Variants in VTI1A observed in about 807,000 individuals in gnomAD.
The protein encoded by VTI1A is vesicle transport through interaction with t-SNAREs homolog 1A.
A neutral mutation model predicts 34.9 loss-of-function variants in VTI1A; 22 were observed. The ratio of observed to expected loss-of-function variants is 0.63; its 90% CI spans 0.45 to 0.90. The LOEUF (loss-of-function observed/expected upper bound fraction) is 0.90, where lower values mean the gene tolerates loss of function less well. Ranked by LOEUF, VTI1A falls within the 40% of genes least tolerant of loss-of-function variation. VTI1A has a pLI of 0.00. For missense variants in VTI1A, 268 were observed against 275.6 expected (o/e 0.97, Z 0.20); for synonymous variants, 87 against 97.3 (o/e 0.89, Z 0.62).
intron 4 of VTI1A, among the ~76,000 whole-genome samples, chr10:112,537,861 A>G (rs1385854877): frequency 6.6e-6 from 1 of 152,224 alleles, no homozygotes; most frequent in African/African-American, 2.4e-5. Context: ...GATCTTTGAA[A>G]TGATTGCATT....
intron 5 of VTI1A, among the ~76,000 whole-genome samples, chr10:112,559,627 TC>T (rs1645901889): frequency 6.6e-6 from 1 of 152,154 alleles, no homozygotes. Context: ...CAGCCACGTT[TC>T]CACAGTGGAT....
At chr10:112,519,616 A>G (rs971649172) in intron 3 of VTI1A, among the ~76,000 whole-genome samples, 2 of 152,108 alleles carry the variant, frequency 1.3e-5, no homozygotes, top group African/African-American at 4.8e-5. Flanking sequence ...GAATGAAGGT[A>G]GGGGGACTCC....
intron 7 of VTI1A, among the ~76,000 whole-genome samples, chr10:112,782,870 C>T (rs550447912): frequency 7.7e-4 from 118 of 152,278 alleles, no homozygotes; most frequent in African/African-American, 2.7e-3. Flanking sequence ...GTCCCTTCCC[C>T]TTCTAATTTC....
At chr10:112,472,548 T>C (rs1848128521) in intron 3 of VTI1A, among the ~76,000 whole-genome samples, 1 of 151,956 alleles carries the variant, frequency 6.6e-6, no homozygotes, top group Admixed American at 6.5e-5. Flanking sequence ...TTTTTTTTTT[T>C]TAACTCGAGA....
rs144730948 is a variant in VTI1A at position 112,803,314 on chromosome 10, C to T, written c.561-11976C>T. On this transcript the variant is annotated intron_variant, in intron 7 of 7. Coordinates refer to ENST00000393077, the MANE Select transcript of VTI1A (RefSeq NM_145206.4). ...AACTCCTGATCTCAAGTGATCCACCCGCCTTGGCCTCCCAAAGTGCTGGGA... is the reference window on the plus strand; with the variant it reads ...AACTCCTGATCTCAAGTGATCCACCTGCCTTGGCCTCCCAAAGTGCTGGGA... Among the ~76,000 whole-genome samples the T allele has an allele frequency of 4.8e-4, 73 of 152,254 alleles. 1 individual carries two copies. In the East Asian group the frequency reaches 0.013, roughly 27 times the overall value.
At chr10:112,752,639 T>C (rs1282171953) in intron 7 of VTI1A, 3 of 929,352 alleles carry the variant, frequency 3.2e-6, no homozygotes, top group East Asian at 2.3e-4. Flanking sequence ...GCCCATTTGC[T>C]TTAGCTAGGT....
At chr10:112,717,548 A>T (rs1485860608) in intron 7 of VTI1A, among the ~76,000 whole-genome samples, 1 of 152,134 alleles carries the variant, frequency 6.6e-6, no homozygotes, top group Non-Finnish European at 1.5e-5. Context: ...GTCATTAGTC[A>T]AAAGGCCCTT....
intron 7 of VTI1A, among the ~76,000 whole-genome samples, chr10:112,753,063 A>G (rs1051254051): frequency 8.2e-6 from 1 of 122,542 alleles, no homozygotes; most frequent in African/African-American, 4.7e-5. Context: ...TTAATTATAC[A>G]TTGGAAAAAA....
chr10:112,790,574 G>A (rs1852428108), intron 7 of VTI1A, among the ~76,000 whole-genome samples: 1 of 152,068 alleles, frequency 6.6e-6, no homozygotes, highest in Non-Finnish European at 1.5e-5. Flanking sequence ...GCTAGGCCTG[G>A]GTTTTGCCCT....
intron 5 of VTI1A, among the ~76,000 whole-genome samples, chr10:112,630,000 T>G (rs1846069013): frequency 6.6e-6 from 1 of 152,188 alleles, no homozygotes; most frequent in Non-Finnish European, 1.5e-5. Flanking sequence ...AGAGTAGAGT[T>G]GAGAGGGACT....
chr10:112,585,354 A>C (rs1844103532), intron 5 of VTI1A, among the ~76,000 whole-genome samples: 1 of 152,174 alleles, frequency 6.6e-6, no homozygotes, highest in South Asian at 2.1e-4. Context: ...ATGATTTTGT[A>C]CTTTTTGCTG....
At chr10:112,650,098 C>G (rs1182345656) in intron 5 of VTI1A, among the ~76,000 whole-genome samples, 2 of 152,172 alleles carry the variant, frequency 1.3e-5, no homozygotes, top group Non-Finnish European at 2.9e-5. Context: ...AACTGTTTTA[C>G]TTTATAAGAT....
chr10:112,721,161 A>C (rs1190188379), intron 7 of VTI1A, among the ~76,000 whole-genome samples: 1 of 152,190 alleles, frequency 6.6e-6, no homozygotes, highest in African/African-American at 2.4e-5. Flanking sequence ...TCTGATTCCA[A>C]ATCTGCTGTG....
At chr10:112,635,415 G>A (rs868012938) in intron 5 of VTI1A, among the ~76,000 whole-genome samples, 5 of 152,142 alleles carry the variant, frequency 3.3e-5, no homozygotes, top group Non-Finnish European at 7.3e-5. Flanking sequence ...CTCAGAGGTG[G>A]CCAAGTCTAG....
chr10:112,804,685 ATT>A (rs1254014373), intron 7 of VTI1A, among the ~76,000 whole-genome samples: 1 of 151,774 alleles, frequency 6.6e-6, no homozygotes, highest in East Asian at 1.9e-4. Flanking sequence ...TCATTCATTG[ATT>A]GCTCATTGTG....
chr10:112,504,913 C>T (rs568404165), intron 3 of VTI1A, among the ~76,000 whole-genome samples: 14 of 149,412 alleles, frequency 9.4e-5, no homozygotes, highest in African/African-American at 3.2e-4. Flanking sequence ...TTTCAGAAAC[C>T]GTTCTTATGC....
intron 7 of VTI1A, among the ~76,000 whole-genome samples, chr10:112,677,115 A>G (rs1848061181): frequency 6.6e-6 from 1 of 152,178 alleles, no homozygotes; most frequent in Non-Finnish European, 1.5e-5. Flanking sequence ...TAGACATGAG[A>G]ACCTGTGCAG....
intron 7 of VTI1A, among the ~76,000 whole-genome samples, chr10:112,745,459 A>G (rs551428921): frequency 2.0e-5 from 3 of 151,952 alleles, no homozygotes; most frequent in Non-Finnish European, 2.9e-5. Flanking sequence ...TGCTCTCACT[A>G]TGTTCACATT....
the VTI1A span, chr10:112,824,393 T>G: frequency 6.6e-6 from 1 of 152,292 alleles, no homozygotes; most frequent in Non-Finnish European, 1.5e-5. Context: ...CTGGCCAACA[T>G]GGTGAAACCC....
Sources: gnomAD v4.1 joint callset for allele counts (sites outside exome capture counted in the v4.1 genomes callset) on GRCh38, gnomAD v4.1.1 for gene constraint, MANE v1.5 for transcripts, NCBI Gene and HGNC (gene_info 2026-07-23, HGNC 2026-07-21) for gene names.